FAM174B: variants seen among roughly 807,000 people sequenced by gnomAD.
FAM174B encodes the protein membrane protein FAM174B.
FAM174B carries 12 observed loss-of-function variants against 10.9 expected under a neutral mutation model. The ratio of observed to expected loss-of-function variants is 1.10; its 90% CI spans 0.71 to 1.79. The LOEUF is 1.79. FAM174B is among the 40% of genes most tolerant of loss of function. The pLI is 0.00. For missense variants in FAM174B, 266 were observed against 233.3 expected (o/e 1.14, Z -0.91); for synonymous variants, 132 against 115.8 (o/e 1.14, Z -0.90).
At chr15:92,631,461 TTATATATAATTTATAATATATTATATA>T (rs2050817034) in intron 1 of FAM174B, among the ~76,000 whole-genome samples, 1 of 62,200 alleles carries the variant, frequency 1.6e-5, no homozygotes, top group Admixed American at 3.1e-4. Context: ...ATAATATATA[TTATATATAATTTATAATATATTATATA>T]TATATATAAT....
intron 1 of FAM174B, among the ~76,000 whole-genome samples, chr15:92,645,245 T>C (rs1235838515): frequency 6.6e-6 from 1 of 152,250 alleles, no homozygotes; most frequent in East Asian, 1.9e-4. Flanking sequence ...CTGCTTCCTC[T>C]ACCTCCTGGG....
chr15:92,649,114 G>T (rs1014753059), intron 1 of FAM174B, among the ~76,000 whole-genome samples: 1 of 152,202 alleles, frequency 6.6e-6, no homozygotes, highest in African/African-American at 2.4e-5. Context: ...GATTTGCCTG[G>T]TGTCTCAAGA....
Position 92,622,340 on chromosome 15 carries a change from G to A in FAM174B, c.477-2881C>T, listed in dbSNP as rs947603942. On this transcript the variant is annotated intron_variant, in intron 2 of 2. Transcript: ENST00000327355. ...GAGAAGTCCACCCGCACACACCAAC[G>A]CCTGCCCAGGTCAGGCCTGGACACC... Among the ~76,000 whole-genome samples the A allele has an allele frequency of 4.6e-5, 7 of 152,338 alleles. No homozygotes were observed. In the East Asian group the frequency reaches 7.7e-4, roughly 17 times the overall value.
In FAM174B at chr15:92,619,027, A is replaced by T; in HGVS notation, c.*429T>A. The T allele has an allele frequency of 2.4e-6, 1 of 419,188 alleles. No individual in the cohort carries two copies. The highest frequency in any genetic ancestry group is 4.1e-5 in the Admixed American group (1 of 24,528). The allele number at this position is 419,188 out of a possible 1,614,324, so 26.0% of individuals were successfully genotyped here. On this transcript the variant is annotated 3_prime_UTR_variant, in exon 3 of 3. Transcript: ENST00000327355. ...GGTCCAATGTGTAGATCCAGTAGAGAAGAATGTCGGAAATTCTAAATACAC... is the reference window on the plus strand; with the variant it reads ...GGTCCAATGTGTAGATCCAGTAGAGTAGAATGTCGGAAATTCTAAATACAC...
At chr15:92,629,069 G>A (rs768425610) in intron 2 of FAM174B, among the ~76,000 whole-genome samples, 41 of 152,026 alleles carry the variant, frequency 2.7e-4, no homozygotes, top group Admixed American at 1.5e-3. Flanking sequence ...ACTGATTTAT[G>A]CAGAAGGACC....
At chr15:92,622,908 C>A (rs2050729025) in intron 2 of FAM174B, among the ~76,000 whole-genome samples, 1 of 152,136 alleles carries the variant, frequency 6.6e-6, no homozygotes, top group African/African-American at 2.4e-5. Flanking sequence ...ACCTGCCCAG[C>A]ATTTCGGGAG....
rs749118466 is a variant in FAM174B at position 92,630,174 on chromosome 15, G to C, written c.476+40C>G. ...GACCTCGAGGTCCCACCAACCCACT[G>C]CCCCAAGCCCAGGAGGAAGCCTCTG... On this transcript the variant is annotated intron_variant, in intron 2 of 2. Coordinates refer to ENST00000327355, the MANE Select transcript of FAM174B (RefSeq NM_207446.3). 7.5e-6 allele frequency: 12 copies of C among 1,606,642 alleles called. No individual in the cohort carries two copies. In the Admixed American group the frequency reaches 1.5e-4, roughly 20 times the overall value.
Position 92,617,642 on chromosome 15 carries a change from T to C in FAM174B, c.*1814A>G, listed in dbSNP as rs1404850216. The C allele has an allele frequency of 1.5e-6, 1 of 663,342 alleles. No individual in the cohort carries two copies. Among genetic ancestry groups the C allele is most frequent in the Non-Finnish European group, 2.7e-6 (1 of 371,946 alleles). 41.1% of individuals were successfully genotyped at this position (663,342 alleles called of 1,614,324 possible). ...ATTCAGCTGCAGTTGTCGAAAACCC[T>C]GTGTGAGCCAGCAGTTCCAGTTCAA... On this transcript the variant is annotated 3_prime_UTR_variant, in exon 3 of 3. Transcript: ENST00000327355.
At chr15:92,635,552 G>A (rs1469624700) in intron 1 of FAM174B, among the ~76,000 whole-genome samples, 13 of 151,598 alleles carry the variant, frequency 8.6e-5, no homozygotes, top group Non-Finnish European at 1.3e-4. Flanking sequence ...GGGATTGAGG[G>A]TGCAGGAAAT....
chr15:92,623,802 C>A (rs1028512054), intron 2 of FAM174B, among the ~76,000 whole-genome samples: 2 of 152,210 alleles, frequency 1.3e-5, no homozygotes, highest in African/African-American at 4.8e-5. Context: ...TGGACACCAC[C>A]ACCACGTGAC....
At chr15:92,644,897 A>G (rs1184484321) in intron 1 of FAM174B, among the ~76,000 whole-genome samples, 1 of 152,232 alleles carries the variant, frequency 6.6e-6, no homozygotes, top group African/African-American at 2.4e-5. Context: ...TGTCAAAAGA[A>G]GGAGGAAATC....
intron 1 of FAM174B, chr15:92,634,779 C>T (rs2050842281): frequency 6.6e-6 from 1 of 152,232 alleles, no homozygotes; most frequent in South Asian, 2.1e-4. Context: ...AATCAACGGG[C>T]TCTGAGTACA....
rs1366895648 is a variant in FAM174B, at chr15:92,655,555, C to T, written c.105G>A (p.Pro35=). Residue 35 remains proline, a synonymous_variant, in exon 1 of 3, where the codon CCG becomes CCA. Transcript: ENST00000327355. ...RASRAESVSA[P]WPEPERESRP... ...GCGACTCGCGCTCGGGTTCGGGCCA[C>T]GGCGCGGAGACGGACTCGGCTCTGC... is the stretch of plus-strand genomic sequence containing the variant. 3 of 1,390,012 alleles carry T rather than the reference C, an allele frequency of 2.2e-6. No homozygotes were observed. The highest frequency in any genetic ancestry group is 2.8e-6 in the Non-Finnish European group (3 of 1,073,474). 86.1% of individuals were successfully genotyped at this position (1,390,012 alleles called of 1,614,324 possible).
Position 92,627,426 on chromosome 15 carries a change from G to A in FAM174B, c.476+2788C>T, listed in dbSNP as rs148231974. ...GTGGAAGTTTCTTAATGTGACACTCGTTTCAACGTGTGCCTTATCTTCATC... is the reference window on the plus strand; with the variant it reads ...GTGGAAGTTTCTTAATGTGACACTCATTTCAACGTGTGCCTTATCTTCATC... On this transcript the variant is annotated intron_variant, in intron 2 of 2. Transcript: ENST00000327355. 1.7e-4 allele frequency: 28 copies of A among 167,876 alleles called. No homozygotes were observed. The East Asian group carries it at 1.7e-3, about 10-fold the overall frequency. The allele number at this position is 167,876 out of a possible 1,614,324, so 10.4% of individuals were successfully genotyped here.
intron 1 of FAM174B, among the ~76,000 whole-genome samples, chr15:92,652,755 A>G (rs1007849346): frequency 3.9e-5 from 6 of 152,004 alleles, no homozygotes; most frequent in African/African-American, 1.5e-4. Context: ...TCTCTTGGAG[A>G]CTCAGGTGGT....
At position 92,617,845 on chromosome 15, in the gene FAM174B, C is replaced by A; in HGVS notation, c.*1611G>T. The A allele has an allele frequency of 2.0e-6, 1 of 493,154 alleles. No individual in the cohort carries two copies. The highest frequency in any genetic ancestry group is 3.6e-6 in the Non-Finnish European group (1 of 281,478). 30.5% of individuals were successfully genotyped at this position (493,154 alleles called of 1,614,324 possible). The stretch of plus-strand genomic sequence containing the variant: ...GAAAGTCAACAAAGAAGGTGAAATG[C>A]AGGGAGCAGAGACTACACGCAGGCC... On this transcript the variant is annotated 3_prime_UTR_variant, in exon 3 of 3. Transcript: ENST00000327355.
chr15:92,650,796 T>C (rs1329133407), intron 1 of FAM174B, among the ~76,000 whole-genome samples: 1 of 152,184 alleles, frequency 6.6e-6, no homozygotes, highest in Non-Finnish European at 1.5e-5. Context: ...AGAGACAGCC[T>C]CTTTGCTGAT....
chr15:92,654,000 A>T (rs1233768313), intron 1 of FAM174B, among the ~76,000 whole-genome samples: 1 of 152,212 alleles, frequency 6.6e-6, no homozygotes, highest in African/African-American at 2.4e-5. Flanking sequence ...GAGCATTTCA[A>T]CCCAGAGAAC....
intron 1 of FAM174B, 128 bp from the exon 2 acceptor site, chr15:92,630,473 G>C (rs1418618294): frequency 2.3e-6 from 2 of 863,870 alleles, no homozygotes; most frequent in Non-Finnish European, 3.5e-6. Flanking sequence ...CTCTGTCTGA[G>C]AGTGTGAGGA....
Sources: gnomAD v4.1 joint callset for allele counts (sites outside exome capture counted in the v4.1 genomes callset) on GRCh38, gnomAD v4.1.1 for gene constraint, MANE v1.5 for transcripts, NCBI Gene and HGNC (gene_info 2026-07-23, HGNC 2026-07-21) for gene names.